The following DDX24 variants were observed in gnomAD, a reference collection of about 807,000 sequenced individuals.
DDX24 encodes ATP-dependent RNA helicase DDX24.
DDX24 carries 24 observed loss-of-function variants against 68.9 expected under a neutral mutation model. That is an observed-to-expected ratio of 0.35 (90% CI 0.25 to 0.49). The LOEUF is 0.49. Among genes scored for constraint, DDX24 ranks in the 20% least tolerant of loss-of-function variants. The probability of loss-of-function intolerance (pLI) is 0.99; values close to 1 mark genes in which losing one functional copy is unlikely to be tolerated. For missense variants in DDX24, 989 were observed against 1,039.0 expected, an observed-to-expected ratio of 0.95 and a Z score of 0.66; for synonymous variants, 395 against 385.2, an observed-to-expected ratio of 1.03 and a Z score of -0.30.
chr14:94,078,368 C>A (rs979710647), intron 2 of DDX24, among the ~76,000 whole-genome samples: 3 of 152,192 alleles, frequency 2.0e-5, no homozygotes, highest in African/African-American at 7.2e-5. Context: ...AGTTCCTCCC[C>A]CAAGTCAGCA....
intron 7 of DDX24, among the ~76,000 whole-genome samples, chr14:94,054,515 G>C (rs1352536973): frequency 1.3e-5 from 2 of 152,180 alleles, no homozygotes; most frequent in Non-Finnish European, 2.9e-5. Context: ...AAACCTCTGG[G>C]AAGGAGAACC....
intron 2 of DDX24, among the ~76,000 whole-genome samples, chr14:94,063,169 G>A (rs140803453): frequency 9.9e-5 from 15 of 152,246 alleles, no homozygotes; most frequent in Admixed American, 9.2e-4. Context: ...CTAGGCAGAA[G>A]CCAATAAATG....
intron 2 of DDX24, among the ~76,000 whole-genome samples, chr14:94,073,462 C>A (rs1298079761): frequency 6.6e-6 from 1 of 152,036 alleles, no homozygotes; most frequent in African/African-American, 2.4e-5. Flanking sequence ...AAGAAATTCA[C>A]ATTAAATATA....
chr14:94,055,289 C>T, intron 6 of DDX24, 105 bp from the exon 7 acceptor site: 1 of 1,163,540 alleles, frequency 8.6e-7, no homozygotes, highest in Non-Finnish European at 1.2e-6. Context: ...CCCAGCCAGG[C>T]AGGTAGAAAC....
chr14:94,065,326 A>T (rs1440155986), intron 2 of DDX24, among the ~76,000 whole-genome samples: 1 of 150,404 alleles, frequency 6.6e-6, no homozygotes, highest in Non-Finnish European at 1.5e-5. Context: ...TGCTGGGATT[A>T]CAGGTGTGAG....
chr14:94,065,222 AT>A (rs368446745), intron 2 of DDX24, among the ~76,000 whole-genome samples: 26 of 146,476 alleles, frequency 1.8e-4, no homozygotes, highest in Admixed American at 2.7e-4. Flanking sequence ...GTAACTTTTG[AT>A]TTTTTTTTTT....
chr14:94,074,976 C>A (rs1885908129), intron 2 of DDX24, among the ~76,000 whole-genome samples: 1 of 152,118 alleles, frequency 6.6e-6, no homozygotes, highest in Non-Finnish European at 1.5e-5. Context: ...AATCTATATA[C>A]TGAAAATTTT....
At chr14:94,076,195 GA>G (rs1297734287) in intron 2 of DDX24, among the ~76,000 whole-genome samples, 1 of 152,010 alleles carries the variant, frequency 6.6e-6, no homozygotes, top group Non-Finnish European at 1.5e-5. Context: ...CCAAAAACAA[GA>G]AAAAGCACAA....
chr14:94,064,937 T>C (rs1885670017), intron 2 of DDX24, among the ~76,000 whole-genome samples: 1 of 152,130 alleles, frequency 6.6e-6, no homozygotes, highest in African/African-American at 2.4e-5. Context: ...GTAGATAGTG[T>C]CTGAATTGAA....
At chr14:94,063,718 C>G (rs1023702513) in intron 2 of DDX24, among the ~76,000 whole-genome samples, 1 of 152,010 alleles carries the variant, frequency 6.6e-6, no homozygotes, top group African/African-American at 2.4e-5. Context: ...CAAGACCAGC[C>G]TGGGCAACAT....
intron 2 of DDX24, among the ~76,000 whole-genome samples, chr14:94,072,093 C>T (rs1885843498): frequency 6.6e-6 from 1 of 152,142 alleles, no homozygotes; most frequent in African/African-American, 2.4e-5. Flanking sequence ...TCAAGCAATC[C>T]CACTACTGGG....
chr14:94,064,218 A>G (rs1212615721), intron 2 of DDX24, among the ~76,000 whole-genome samples: 2 of 152,244 alleles, frequency 1.3e-5, no homozygotes, highest in African/African-American at 2.4e-5. Flanking sequence ...CTATGCATAT[A>G]TATGTATTAT....
At chr14:94,051,583 G>A in intron 8 of DDX24, 121 bp from the exon 9 acceptor site, 2 of 1,354,202 alleles carry the variant, frequency 1.5e-6, no homozygotes, top group Non-Finnish European at 2.0e-6. Flanking sequence ...GGGTTCAAAA[G>A]TTCTCTGAAG....
chr14:94,055,074 C>T lies in DDX24; in HGVS notation c.2100G>A (p.Lys700=). Residue 700 remains lysine, a synonymous_variant, in exon 7 of 9, where the codon AAG becomes AAA. Transcript: ENST00000621632. ...CTTTCTTGAGCGTTTTGTAAATCTT[C>T]TTAAAGTTGATCACATCCTCAGGCC... is the stretch of plus-strand genomic sequence containing the variant. ...LIGPEDVINF[K]KIYKTLKKDE... 2 of 1,614,200 alleles carry T rather than the reference C, an allele frequency of 1.2e-6. No individual in the cohort carries two copies. The highest frequency in any genetic ancestry group is 1.7e-6 in the Non-Finnish European group (2 of 1,180,014).
Position 94,079,370 on chromosome 14 carries a change from G to T in DDX24, c.373C>A (p.Leu125Met). The change falls in exon 2 of 9, where the codon CTG becomes ATG. Residue 125 changes from leucine to methionine, a missense_variant. Around this residue, in one of 3 missense-constraint regions of DDX24, gnomAD observed 295 missense variants for 263.0 expected, o/e 1.12. Transcript: ENST00000621632. ...QKEFEVKDPE[L>M]EAQGDDMVCD... ...ACCATGTCATCTCCCTGGGCCTCCA[G>T]CTCAGGATCTTTCACTTCAAATTCT... The T allele has an allele frequency of 1.9e-6, 3 of 1,614,014 alleles. No homozygotes were observed. The highest frequency in any genetic ancestry group is 2.5e-6 in the Non-Finnish European group (3 of 1,180,006).
In DDX24 at chr14:94,081,160, G is replaced by C. The variant is rs1255059051; in HGVS notation, c.-47C>G. On this transcript the variant is annotated 5_prime_UTR_variant, in exon 1 of 9. Coordinates refer to ENST00000621632, the MANE Select transcript of DDX24 (RefSeq NM_020414.4). The stretch of plus-strand genomic sequence containing the variant: ...CGCAGCTCCGTCAGTCGCGAGTGAA[G>C]AACCTCAGAAACCGCCGCTGTACCT... 6.6e-6 allele frequency: 1 copy of C among 152,338 alleles called. No homozygotes were observed. Among genetic ancestry groups the C allele is most frequent in the Non-Finnish European group, 1.5e-5 (1 of 68,126 alleles). The allele number at this position is 152,338 out of a possible 1,614,324, so 9.4% of individuals were successfully genotyped here.
Position 94,081,142 on chromosome 14 carries a change from C to T in DDX24, c.-29G>A, listed in dbSNP as rs1228282513. 1 of 152,346 alleles carries T rather than the reference C, an allele frequency of 6.6e-6. No homozygotes were observed. The highest frequency in any genetic ancestry group is 1.5e-5 in the Non-Finnish European group (1 of 68,118). The allele number at this position is 152,346 out of a possible 1,614,324, so 9.4% of individuals were successfully genotyped here. ...ACCGTGTGGAGACGCCACCGCAGCT[C>T]CGTCAGTCGCGAGTGAAGAACCTCA... On this transcript the variant is annotated 5_prime_UTR_variant, in exon 1 of 9. Coordinates refer to ENST00000621632, the MANE Select transcript of DDX24 (RefSeq NM_020414.4).
At chr14:94,055,992 T>C (rs1488745302) in intron 6 of DDX24, 4 of 152,242 alleles carry the variant, frequency 2.6e-5, no homozygotes, top group Admixed American at 6.5e-5. Context: ...CTCTCTTCCA[T>C]TGTATTTTGT....
chr14:94,068,195 G>A (rs897850131), intron 2 of DDX24, among the ~76,000 whole-genome samples: 1 of 152,126 alleles, frequency 6.6e-6, no homozygotes, highest in Non-Finnish European at 1.5e-5. Context: ...GACACCAAAA[G>A]CAAGTAGGGG....
Sources: allele counts gnomAD v4.1 joint callset (sites outside exome capture counted in the v4.1 genomes callset), GRCh38; gene constraint gnomAD v4.1.1; regional missense constraint gnomAD v4.1.1; transcripts MANE v1.5; gene names NCBI Gene and HGNC (gene_info 2026-07-23, HGNC 2026-07-21).